SBNO2: variants seen among roughly 807,000 people sequenced by gnomAD.
SBNO2 encodes protein strawberry notch homolog 2.
A neutral mutation model predicts 146.3 loss-of-function variants in SBNO2; 89 were observed. That is an observed-to-expected ratio of 0.61 (90% CI 0.51 to 0.73). The LOEUF (loss-of-function observed/expected upper bound fraction) is 0.73. Ranked by LOEUF, SBNO2 falls within the 30% of genes least tolerant of loss-of-function variation. The pLI is 0.00. For synonymous variants in SBNO2, 1,147 were observed against 892.6 expected (o/e 1.29, Z -5.08); for missense variants, 2,092 against 2,003.7 (o/e 1.04, Z -0.84).
chr19:1,151,726 G>A (rs1475455423), intron 2 of SBNO2, among the ~76,000 whole-genome samples: 3 of 152,156 alleles, frequency 2.0e-5, no homozygotes. Flanking sequence ...GCAGTGGCAC[G>A]ATCGTGGCTC....
chr19:1,122,281 A>G lies in SBNO2; in HGVS notation c.1007T>C (p.Ile336Thr). Residue 336 changes from isoleucine (I) to threonine (T), a missense_variant and splice_region_variant, in exon 11 of 32, where the codon ATC becomes ACC. By Grantham distance (89) the Ile-to-Thr change is moderately conservative. Coordinates refer to ENST00000361757, the MANE Select transcript of SBNO2 (RefSeq NM_014963.3). ...TGIAVHALSK[I>T]KYGDTTTSEG... ...TGAGGTAGTGGTGTCACCGTACTTGATCTGGGGATGCACAGAACAGGTGTG... is the reference window on the plus strand; with the variant it reads ...TGAGGTAGTGGTGTCACCGTACTTGGTCTGGGGATGCACAGAACAGGTGTG... 6.4e-7 allele frequency: 1 copy of G among 1,560,186 alleles called. No individual in the cohort carries two copies. The highest frequency in any genetic ancestry group is 8.7e-7 in the Non-Finnish European group (1 of 1,151,946).
At chr19:1,123,476 T>G (rs1400465258) in intron 7 of SBNO2, 58 bp downstream of exon 7, 22 of 1,457,168 alleles carry the variant, frequency 1.5e-5, no homozygotes, top group Non-Finnish European at 2.0e-5. Flanking sequence ...CTGCAGGGTC[T>G]CGGTCCCACA....
Position 1,131,991 on chromosome 19 carries a change from C to G in SBNO2, c.280-4226G>C, listed in dbSNP as rs1305721304. The G allele has an allele frequency of 3.5e-6, 3 of 863,922 alleles. No homozygotes were observed. The African/African-American group carries it at 5.4e-5, about 16-fold the overall frequency. 53.5% of individuals were successfully genotyped at this position (863,922 alleles called of 1,614,324 possible). A position where few individuals can be genotyped will look rare whatever the true frequency, so the allele number is the denominator to read the frequency against. On this transcript the variant is annotated intron_variant, in intron 4 of 31. Coordinates refer to ENST00000361757, the MANE Select transcript of SBNO2 (RefSeq NM_014963.3). ...CGGCCTCGGACTCTAGGATGAGATG[C>G]CGGCTGCTCCGGCAGGGGGCCCGGC...
rs751139451 is a variant in SBNO2, at chr19:1,113,645, G to A, written c.2137C>T (p.Arg713Trp). The change falls in exon 19 of 32, where the codon CGG (arginine) becomes TGG (tryptophan). Residue 713 changes from arginine (R) to tryptophan (W), a missense_variant. Coordinates refer to ENST00000361757, the MANE Select transcript of SBNO2 (RefSeq NM_014963.3). Reference sequence around the variant, plus strand: ...TTGTCCAGCAGATCCTGCTTCAGCCGCTCCACCCGCTCCAGGACCCCGGGG... The same window carrying A: ...TTGTCCAGCAGATCCTGCTTCAGCCACTCCACCCGCTCCAGGACCCCGGGG... ...HGPGVLERVE[R>W]LKQDLLDKVR... 1.5e-5 allele frequency: 24 copies of A among 1,597,386 alleles called. No individual in the cohort carries two copies. The highest frequency in any genetic ancestry group is 2.3e-5 in the East Asian group (1 of 42,934).
At chr19:1,127,563 C>T (rs778008747) in intron 5 of SBNO2, 41 bp downstream of exon 5, 5 of 1,596,270 alleles carry the variant, frequency 3.1e-6, no homozygotes, top group Non-Finnish European at 2.6e-6. Context: ...GGAGGCCACG[C>T]TGGTGGGTCG....
intron 3 of SBNO2, 22 bp from the exon 4 acceptor site, chr19:1,147,442 GGA>G (rs2080203149): frequency 3.6e-6 from 4 of 1,125,974 alleles, no homozygotes; most frequent in Non-Finnish European, 2.5e-6. Flanking sequence ...TGGGGGGGGG[GGA>G]GGTGAGATGG....
intron 2 of SBNO2, among the ~76,000 whole-genome samples, chr19:1,151,883 G>A (rs1311487240): frequency 2.0e-5 from 3 of 152,178 alleles, no homozygotes; most frequent in Non-Finnish European, 2.9e-5. Context: ...GGCCGGTCTC[G>A]AACTCCTGAC....
rs1013289587 is a variant in SBNO2 at position 1,140,672 on chromosome 19, G to A, written c.279+6637C>T. Among the ~76,000 whole-genome samples, 5 of 152,218 alleles carry A rather than the reference G, an allele frequency of 3.3e-5. No individual in the cohort carries two copies. Among genetic ancestry groups the A allele is most frequent in the East Asian group, 3.9e-4 (2 of 5,188 alleles). On this transcript the variant is annotated intron_variant, in intron 4 of 31. Coordinates refer to ENST00000361757, the MANE Select transcript of SBNO2 (RefSeq NM_014963.3). This position sits in a 1 kb window ranked among gnomAD's most constrained non-coding sequence, Gnocchi z 4.4. ...GTGGGGGTCCCACACAGACCCAGCC[G>A]TCAGCAGGAGAAGGCACACGGAAAA...
intron 1 of SBNO2, among the ~76,000 whole-genome samples, chr19:1,166,120 AGATCCCAGACTTCAGATCCCCAGAC>A: frequency 1.2e-5 from 1 of 85,806 alleles, no homozygotes; most frequent in African/African-American, 4.7e-5. Context: ...CTCAGACCCC[AGATCCCAGACTTCAGATCCCCAGAC>A]CCCAGATCCC....
intron 4 of SBNO2, among the ~76,000 whole-genome samples, chr19:1,146,929 C>T (rs868020180): frequency 6.6e-6 from 1 of 152,162 alleles, no homozygotes; most frequent in South Asian, 2.1e-4. Flanking sequence ...CAGGTGGCTG[C>T]TAAGGGGTTG....
intron 1 of SBNO2, among the ~76,000 whole-genome samples, chr19:1,156,708 G>A (rs933994278): frequency 2.0e-5 from 3 of 152,136 alleles, no homozygotes; most frequent in Non-Finnish European, 2.9e-5. Context: ...CAGCGCAGAC[G>A]CACCTTGAGG....
At chr19:1,124,507 G>A (rs1198850644) in intron 5 of SBNO2, among the ~76,000 whole-genome samples, 3 of 152,144 alleles carry the variant, frequency 2.0e-5, no homozygotes, top group Non-Finnish European at 1.5e-5. Context: ...CAGTGGGGGC[G>A]GGCGGGCCTG....
In SBNO2 at chr19:1,111,018, C is replaced by T; in HGVS notation, c.2884+1G>A. ...TCTGGGCCTGGGTGTGGGGCACTCA[C>T]CCTTCTCCACGTCCAGGCAGCCATT... On this transcript the variant is annotated splice_donor_variant, in intron 25 of 31. Coordinates refer to ENST00000361757, the MANE Select transcript of SBNO2 (RefSeq NM_014963.3). LOFTEE classifies it high-confidence loss of function. 2 of 1,587,928 alleles carry T rather than the reference C, an allele frequency of 1.3e-6. No homozygotes were observed. Among genetic ancestry groups the T allele is most frequent in the Non-Finnish European group, 1.7e-6 (2 of 1,167,920 alleles).
intron 11 of SBNO2, among the ~76,000 whole-genome samples, chr19:1,121,699 C>T (rs1181965377): frequency 6.6e-6 from 1 of 152,206 alleles, no homozygotes; most frequent in Non-Finnish European, 1.5e-5. Flanking sequence ...GCCCACCACA[C>T]TATCAGCTGG....
Position 1,150,419 on chromosome 19 carries a change from GCAGAGAGACCCTGCCGTCA to G in SBNO2, c.94-996_94-978del. Among the ~76,000 whole-genome samples, 1 of 152,040 alleles carries G rather than the reference GCAGAGAGACCCTGCCGTCA, an allele frequency of 6.6e-6. No individual in the cohort carries two copies. Among genetic ancestry groups the G allele is most frequent in the Middle Eastern group, 3.4e-3 (1 of 294 alleles). ...CTGCACAGGGCCAACCTCACCTGCA[GCAGAGAGACCCTGCCGTCA>G]CAGACGCCCCCACAGTCACGGGGGA... On this transcript the variant is annotated intron_variant, in intron 2 of 31. Coordinates refer to ENST00000361757, the MANE Select transcript of SBNO2 (RefSeq NM_014963.3). This position sits in a 1 kb window ranked among gnomAD's most constrained non-coding sequence, Gnocchi z 6.2.
At chr19:1,145,237 C>T (rs747541861) in intron 4 of SBNO2, among the ~76,000 whole-genome samples, 5 of 148,296 alleles carry the variant, frequency 3.4e-5, no homozygotes, top group African/African-American at 1.0e-4. Context: ...GAGGCTGAGG[C>T]GGGCGGATCA....
rs2079866602 is a variant in SBNO2, at chr19:1,119,032, G to A, written c.1506C>T (p.Val502=). 2 of 1,602,282 alleles carry A rather than the reference G, an allele frequency of 1.2e-6. No individual in the cohort carries two copies. Among genetic ancestry groups the A allele is most frequent in the African/African-American group, 2.7e-5 (2 of 74,882 alleles). ...TCACCAGCAGGGCCGCGCGGTTGTA[G>A]ACGCACTCGAAGGCTGGGGCCAGCG... The part of the protein sequence containing the change: ...EIPLAPAFEC[V]YNRAALLWAE... Residue 502 remains valine (V), a synonymous_variant, in exon 14 of 32, where the codon GTC becomes GTT. Coordinates refer to ENST00000361757, the MANE Select transcript of SBNO2 (RefSeq NM_014963.3).
rs1000166107 is a variant in SBNO2, at chr19:1,123,711, C to T, written c.523-72G>A. On this transcript the variant is annotated intron_variant, in intron 6 of 31. Transcript: ENST00000361757. Reference sequence around the variant, plus strand: ...CGCGGGCACTGGGCTCCCCCAGGGGCAGGGGCCAGGCTGACCATGGGCAGC... The same window carrying T: ...CGCGGGCACTGGGCTCCCCCAGGGGTAGGGGCCAGGCTGACCATGGGCAGC... The T allele has an allele frequency of 4.1e-5, 59 of 1,439,896 alleles. No homozygotes were observed. The East Asian group carries it at 6.6e-4, about 16-fold the overall frequency. 89.2% of individuals were successfully genotyped at this position (1,439,896 alleles called of 1,614,324 possible).
In SBNO2 at chr19:1,154,168, C is replaced by T. The variant is rs779994880; in HGVS notation, c.93+16G>A. 6.3e-5 allele frequency: 75 copies of T among 1,192,236 alleles called. 1 individual carries two copies. The highest frequency in any genetic ancestry group is 1.1e-4 in the African/African-American group (7 of 63,456). The allele number at this position is 1,192,236 out of a possible 1,614,324, so 73.9% of individuals were successfully genotyped here. A position where few individuals can be genotyped will look rare whatever the true frequency, so the allele number is the denominator to read the frequency against. On this transcript the variant is annotated intron_variant, in intron 2 of 31. Transcript: ENST00000361757. ...TGGACCCCGTCGGGTGGGCCGGGGC[C>T]GGGGGTGGGGCTCACCTGCAGGGGC...
Sources: gnomAD v4.1 joint callset for allele counts (sites outside exome capture counted in the v4.1 genomes callset) on GRCh38, gnomAD v4.1.1 for gene constraint, Gnocchi (gnomAD v3.1) non-coding constraint, MANE v1.5 for transcripts, NCBI Gene and HGNC (gene_info 2026-07-23, HGNC 2026-07-21) for gene names.